SERPING1: variants seen among roughly 807,000 people sequenced by gnomAD.
SERPING1 encodes serpin family G member 1.
SERPING1 carries 5 observed loss-of-function variants against 34.1 expected under a neutral mutation model. That is an observed-to-expected ratio of 0.15 (90% confidence interval 0.08 to 0.31). The LOEUF is 0.31. SERPING1 is among the 10% of genes least tolerant of loss of function. The pLI, the probability that SERPING1 is intolerant of heterozygous loss-of-function variation, is 1.00. For synonymous variants in SERPING1, 225 were observed against 242.4 expected (o/e 0.93, Z 0.67); for missense variants, 505 against 609.5 (o/e 0.83, Z 1.81).
chr11:57,614,692 T>C lies in SERPING1; in HGVS notation c.*111T>C, dbSNP rs1044921353. On this transcript the variant is annotated 3_prime_UTR_variant, in exon 8 of 8. Transcript: ENST00000278407. ...CCCCTGCCACCTCCTGCCTCAGGTG[T>C]CCGCTATCCACCAAAAGGGCTCCCT... 3.0e-6 allele frequency: 4 copies of C among 1,322,234 alleles called. No individual in the cohort carries two copies. Among genetic ancestry groups the C allele is most frequent in the African/African-American group, 1.5e-5 (1 of 68,176 alleles). The allele number at this position is 1,322,234 out of a possible 1,614,324, so 81.9% of individuals were successfully genotyped here.
At chr11:57,609,316 C>T (rs547002505) in intron 6 of SERPING1, among the ~76,000 whole-genome samples, 10 of 150,642 alleles carry the variant, frequency 6.6e-5, no homozygotes, top group African/African-American at 2.2e-4. Context: ...CAGTGGCTCA[C>T]GCCTGTAATC....
chr11:57,599,322 G>C (rs1011880304), intron 2 of SERPING1, among the ~76,000 whole-genome samples: 1 of 152,078 alleles, frequency 6.6e-6, no homozygotes, highest in African/African-American at 2.4e-5. Context: ...AATTGTTTCA[G>C]AGCCGCTGGC....
chr11:57,614,042 T>G (rs994705432), intron 7 of SERPING1, among the ~76,000 whole-genome samples: 6 of 152,074 alleles, frequency 3.9e-5, no homozygotes, highest in Admixed American at 3.9e-4. Flanking sequence ...ATCTATTACC[T>G]CACTTCCAAG....
chr11:57,613,634 A>G (rs892058198), intron 7 of SERPING1, among the ~76,000 whole-genome samples: 1 of 152,200 alleles, frequency 6.6e-6, no homozygotes, highest in Non-Finnish European at 1.5e-5. Flanking sequence ...TGACACATGT[A>G]TGTGTTCACC....
At chr11:57,598,418 CG>C in intron 2 of SERPING1, 97 bp downstream of exon 2, 2 of 1,228,288 alleles carry the variant, frequency 1.6e-6, no homozygotes, top group Non-Finnish European at 2.3e-6. Flanking sequence ...CTTCAGGCTC[CG>C]GGGAATGAGG....
chr11:57,604,245 T>G (rs1267701158), intron 4 of SERPING1, among the ~76,000 whole-genome samples: 2 of 152,136 alleles, frequency 1.3e-5, no homozygotes, highest in Non-Finnish European at 2.9e-5. Context: ...CATTTTTGGG[T>G]CAAAGGAGTC....
Position 57,606,114 on chromosome 11 carries a change from A to G in SERPING1, c.790A>G (p.Thr264Ala). Residue 264 changes from threonine to alanine, a missense_variant, in exon 5 of 8, where the codon ACC becomes GCC. Transcript: ENST00000278407. ...TGACGCCAACTTGGAGCTCATCAAC[A>G]CCTGGGTGGCCAAGAACACCAACAA... is the stretch of plus-strand genomic sequence containing the variant. ...NSDANLELIN[T>A]WVAKNTNNKI... 6.2e-7 allele frequency: 1 copy of G among 1,613,980 alleles called. No homozygotes were observed. The highest frequency in any genetic ancestry group is 8.5e-7 in the Non-Finnish European group (1 of 1,179,988).
Position 57,611,783 on chromosome 11 carries a change from C to A in SERPING1, c.1096C>A (p.Arg366Ser), listed in dbSNP as rs762832059. ...CCTGGTACCCCAGAACCTGAAACAT[C>A]GTCTTGAAGACATGGAACAGGCTCT... ...VILVPQNLKHRLEDMEQALSP... is the reference protein window; with the variant it reads ...VILVPQNLKHSLEDMEQALSP... Residue 366 changes from arginine (R) to serine (S), a missense_variant, in exon 7 of 8, where the codon CGT becomes AGT. By Grantham distance (110) the Arg-to-Ser change is moderately radical. Coordinates refer to ENST00000278407, the MANE Select transcript of SERPING1 (RefSeq NM_000062.3). 5 of 1,614,060 alleles carry A rather than the reference C, an allele frequency of 3.1e-6. No individual in the cohort carries two copies. The African/African-American group carries it at 6.7e-5, about 22-fold the overall frequency.
intron 3 of SERPING1, among the ~76,000 whole-genome samples, chr11:57,601,083 G>A (rs1945342674): frequency 6.6e-6 from 1 of 152,018 alleles, no homozygotes; most frequent in South Asian, 2.1e-4. Flanking sequence ...TAGTGATGAT[G>A]CTATCTACCT....
At chr11:57,607,694 C>CTGTCACTCAAGCTGCAG (rs1945426720) in intron 6 of SERPING1, among the ~76,000 whole-genome samples, 1 of 152,176 alleles carries the variant, frequency 6.6e-6, no homozygotes, top group Admixed American at 6.6e-5. Flanking sequence ...GGGTCTCACT[C>CTGTCACTCAAGCTGCAG]TGTCACTCAA....
chr11:57,610,756 T>C (rs187949527), intron 6 of SERPING1, among the ~76,000 whole-genome samples: 1 of 152,276 alleles, frequency 6.6e-6, no homozygotes, highest in East Asian at 1.9e-4. Flanking sequence ...TAGAAGCCAG[T>C]AGCACTGTGT....
At chr11:57,604,207 C>T (rs1945383030) in intron 4 of SERPING1, among the ~76,000 whole-genome samples, 1 of 151,578 alleles carries the variant, frequency 6.6e-6, no homozygotes, top group African/African-American at 2.4e-5. Flanking sequence ...GAGCTATAGA[C>T]ATAAAATAGA....
chr11:57,600,286 C>G lies in SERPING1; in HGVS notation c.459C>G (p.Leu153=), dbSNP rs541933653. The G allele has an allele frequency of 3.1e-6, 5 of 1,614,084 alleles. No homozygotes were observed. The highest frequency in any genetic ancestry group is 2.2e-5 in the East Asian group (1 of 44,884). ...GDALVDFSLK[L]YHAFSAMKKV... ...CTTTGGTAGATTTCTCCCTGAAGCT[C>G]TACCACGCCTTCTCAGCAATGAAGA... Residue 153 remains leucine, a synonymous_variant, in exon 3 of 8, where the codon CTC becomes CTG. Transcript: ENST00000278407.
chr11:57,600,485 G>T, intron 3 of SERPING1, 108 bp downstream of exon 3: 3 of 1,261,238 alleles, frequency 2.4e-6, no homozygotes, highest in South Asian at 1.2e-5. Context: ...CTGTAAAAAT[G>T]GGCTATTATA....
chr11:57,609,663 C>A (rs1185315030), intron 6 of SERPING1, among the ~76,000 whole-genome samples: 1 of 152,148 alleles, frequency 6.6e-6, no homozygotes, highest in African/African-American at 2.4e-5. Flanking sequence ...AGATTAAACT[C>A]CTTTAAACCA....
intron 3 of SERPING1, among the ~76,000 whole-genome samples, chr11:57,601,440 G>C (rs946439392): frequency 6.6e-6 from 1 of 151,338 alleles, no homozygotes; most frequent in African/African-American, 2.4e-5. Flanking sequence ...TGACTTAGTG[G>C]GAGGTCAAAA....
chr11:57,606,204 T>A lies in SERPING1; in HGVS notation c.880T>A (p.Tyr294Asn). 6.2e-7 allele frequency: 1 copy of A among 1,614,188 alleles called. No individual in the cohort carries two copies. The highest frequency in any genetic ancestry group is 8.5e-7 in the Non-Finnish European group (1 of 1,180,006). Residue 294 changes from tyrosine (Y) to asparagine (N), a missense_variant, in exon 5 of 8, where the codon TAC (tyrosine) becomes AAC (asparagine). Transcript: ENST00000278407. ...CCGCCTTGTCCTCCTCAATGCTATC[T>A]ACCTGAGTGGTAAGGGTGCCCTTAG... The part of the protein sequence containing the change: ...DTRLVLLNAI[Y>N]LSAKWKTTFD...
Position 57,600,114 on chromosome 11 carries a change from C to T in SERPING1, c.287C>T (p.Thr96Ile). Residue 96 changes from threonine to isoleucine, a missense_variant, in exon 3 of 8, where the codon ACC (threonine) becomes ATC (isoleucine). By Grantham distance (89) the Thr-to-Ile change is moderately conservative. Coordinates refer to ENST00000278407, the MANE Select transcript of SERPING1 (RefSeq NM_000062.3). Reference sequence around the variant, plus strand: ...ACACAACCCACCACAGAGCCCACCACCCAACCCACCATCCAACCCACCCAA... The same window carrying T: ...ACACAACCCACCACAGAGCCCACCATCCAACCCACCATCCAACCCACCCAA... ...PTTQPTTEPTTQPTIQPTQPT... is the reference protein window; with the variant it reads ...PTTQPTTEPTIQPTIQPTQPT... The T allele has an allele frequency of 1.9e-6, 3 of 1,612,654 alleles. No individual in the cohort carries two copies. Among genetic ancestry groups the T allele is most frequent in the Middle Eastern group, 1.7e-4 (1 of 6,056 alleles).
chr11:57,598,216 G>A, intron 1 of SERPING1, 33 bp from the exon 2 acceptor site: 2 of 1,523,660 alleles, frequency 1.3e-6, no homozygotes, highest in Non-Finnish European at 1.8e-6. Flanking sequence ...CTCCCAGGGT[G>A]GGAGCTGGCT....
Sources: allele counts gnomAD v4.1 joint callset (sites outside exome capture counted in the v4.1 genomes callset), GRCh38; gene constraint gnomAD v4.1.1; transcripts MANE v1.5; gene names NCBI Gene and HGNC (gene_info 2026-07-23, HGNC 2026-07-21).